Variants in TRPM5 observed in about 807,000 individuals in gnomAD.
TRPM5 encodes the protein transient receptor potential cation channel subfamily M member 5, also known as MLSN1 and TRP-related.
A neutral mutation model predicts 124.9 loss-of-function variants in TRPM5; 121 were observed. That is an observed-to-expected ratio of 0.97 (90% CI 0.84 to 1.13). The LOEUF (loss-of-function observed/expected upper bound fraction) is 1.13. Among genes scored for constraint, TRPM5 ranks in the 50% most tolerant of loss-of-function variants. The probability of loss-of-function intolerance (pLI) is 0.00; values close to 1 mark genes in which losing one functional copy is unlikely to be tolerated. For synonymous variants in TRPM5, 781 were observed against 700.5 expected (o/e 1.11, Z -1.81); for missense variants, 1,643 against 1,589.1 (o/e 1.03, Z -0.58).
Position 2,408,542 on chromosome 11 carries a change from C to T in TRPM5, c.2783-630G>A, listed in dbSNP as rs73409820. On this transcript the variant is annotated intron_variant, in intron 18 of 23. Coordinates refer to ENST00000155858, the Ensembl canonical transcript of TRPM5. ...ACTCAAGTCAAGAACATTCTTCAGG[C>T]GGCACACTCTGGGAGCTTGCAGGCT... Among the ~76,000 whole-genome samples the T allele has an allele frequency of 2.6e-3, 392 of 152,304 alleles. 1 individual carries two copies. Among genetic ancestry groups the T allele is most frequent in the African/African-American group, 7.7e-3 (322 of 41,566 alleles).
the TRPM5 span, among the ~76,000 whole-genome samples, chr11:2,443,699 G>C: frequency 6.6e-6 from 1 of 152,154 alleles, no homozygotes; most frequent in African/African-American, 2.4e-5. This position sits in a 1 kb window ranked among gnomAD's most constrained non-coding sequence, Gnocchi z 5.0. Context: ...ACCTGGAAGT[G>C]TCACATGAGT....
chr11:2,413,281 C>T (rs926062904), intron 13 of TRPM5, 55 bp from the exon 19 acceptor site: 54 of 1,471,294 alleles, frequency 3.7e-5, no homozygotes, highest in Non-Finnish European at 4.7e-5. Flanking sequence ...AGGCGCCTGC[C>T]TGGCTCCAGG....
At chr11:2,430,889 G>C in the TRPM5 span, among the ~76,000 whole-genome samples, 1 of 149,662 alleles carries the variant, frequency 6.7e-6, no homozygotes, top group Non-Finnish European at 1.5e-5. Context: ...TTTTGGTGAT[G>C]GTGACGGTAT....
chr11:2,420,519 G>T lies in TRPM5; in HGVS notation c.466-114C>A, dbSNP rs1288383192. 1.5e-5 allele frequency: 16 copies of T among 1,080,810 alleles called. No homozygotes were observed. In the East Asian group the frequency reaches 4.3e-4, roughly 29 times the overall value. 67.0% of individuals were successfully genotyped at this position (1,080,810 alleles called of 1,614,324 possible). ...ACCACGCCATGGGGCCCCGCACAAG[G>T]CTTCTGCCCGAGCCTTGGTTTCCCC... On this transcript the variant is annotated intron_variant, in intron 3 of 23. Transcript: ENST00000155858.
exon 19 of TRPM5, chr11:2,407,857 G>A (rs770952455): frequency 1.2e-6 from 2 of 1,614,016 alleles, no homozygotes; most frequent in East Asian, 2.2e-5. Flanking sequence ...AGAGGCTGGG[G>A]CAGGATGGTG....
intron 2 of TRPM5, 54 bp from the exon 8 acceptor site, chr11:2,421,252 C>G: frequency 1.3e-6 from 2 of 1,510,172 alleles, no homozygotes; most frequent in Non-Finnish European, 1.8e-6. Flanking sequence ...TCTTCCCTAG[C>G]TGGCCCCACG....
Position 2,420,411 on chromosome 11 carries a change from C to T in TRPM5, c.466-6G>A. ...TAGTGGACAGGAAAATCCTCCTGCG[C>T]CCATGCAGGGAGACGAGGCTGAGCC... On this transcript the variant is annotated splice_polypyrimidine_tract_variant and splice_region_variant and intron_variant, in intron 3 of 23. Coordinates refer to ENST00000155858, the Ensembl canonical transcript of TRPM5. 2 of 1,602,086 alleles carry T rather than the reference C, an allele frequency of 1.2e-6. No individual in the cohort carries two copies. Among genetic ancestry groups the T allele is most frequent in the South Asian group, 1.1e-5 (1 of 90,654 alleles).
chr11:2,421,737 A>C (rs888769555), intron 2 of TRPM5, among the ~76,000 whole-genome samples: 1 of 152,160 alleles, frequency 6.6e-6, no homozygotes, highest in Non-Finnish European at 1.5e-5. Flanking sequence ...TGCTTCCCCA[A>C]GGGGTCCCAC....
chr11:2,432,702 A>G, the TRPM5 span, among the ~76,000 whole-genome samples: 2 of 152,242 alleles, frequency 1.3e-5, no homozygotes, highest in South Asian at 2.1e-4. Context: ...TCTTTGTCTT[A>G]GAGGGGAGAA....
chr11:2,426,161 G>A (rs1845838644), upstream of TRPM5, among the ~76,000 whole-genome samples: 1 of 152,138 alleles, frequency 6.6e-6, no homozygotes, highest in African/African-American at 2.4e-5. Flanking sequence ...AGGGCCCACA[G>A]CACCTCCTTC....
In TRPM5 at chr11:2,417,957, G is replaced by A. The variant is rs111811734; in HGVS notation, c.907-128C>T. The A allele has an allele frequency of 5.9e-3, 6,060 of 1,028,308 alleles. 247 individuals carry two copies. The African/African-American group carries it at 0.085, about 14-fold the overall frequency. 63.7% of individuals were successfully genotyped at this position (1,028,308 alleles called of 1,614,324 possible). A position where few individuals can be genotyped will look rare whatever the true frequency, so the allele number is the denominator to read the frequency against. On this transcript the variant is annotated intron_variant, in intron 6 of 23. Coordinates refer to ENST00000155858, the Ensembl canonical transcript of TRPM5. ...GAGCCTTGCAGCCTGCATGCCCACC[G>A]CCCACCGGGCCCGGCCTGGGACCAC...
At chr11:2,441,472 G>T in the TRPM5 span, among the ~76,000 whole-genome samples, 1 of 150,878 alleles carries the variant, frequency 6.6e-6, no homozygotes, top group Non-Finnish European at 1.5e-5. The surrounding 1 kb of genome is among the most constrained non-coding windows in gnomAD (Gnocchi z 7.2). Context: ...CCTCACCTGC[G>T]CACCTGGCCT....
chr11:2,438,939 G>A, the TRPM5 span, among the ~76,000 whole-genome samples: 7 of 152,208 alleles, frequency 4.6e-5, no homozygotes, highest in African/African-American at 1.4e-4. This position sits in a 1 kb window ranked among gnomAD's most constrained non-coding sequence, Gnocchi z 5.9. Context: ...TGTTCAAGGC[G>A]ACTATAACCA....
In TRPM5 at chr11:2,414,890, C is replaced by CCGCGGCCTGGGCT. The variant is rs777918505; in HGVS notation, c.1620+4_1620+16dup. On this transcript the variant is annotated intron_variant, in intron 10 of 23. Coordinates refer to ENST00000155858, the Ensembl canonical transcript of TRPM5. ...CCCCTCCCCTGCCCCCGCGCTGGGC[C>CCGCGGCCTGGGCT]CGCGGCCTGGGCTCACCATGGCCCA... 9.4e-6 allele frequency: 15 copies of CCGCGGCCTGGGCT among 1,598,292 alleles called. No homozygotes were observed. In the East Asian group the frequency reaches 3.2e-4, roughly 34 times the overall value.
exon 13 of TRPM5, chr11:2,413,489 G>A: frequency 6.2e-7 from 1 of 1,611,096 alleles, no homozygotes; most frequent in Middle Eastern, 1.7e-4. Flanking sequence ...AAGGTGATGA[G>A]GTTGGTATAG....
chr11:2,428,786 A>T, the TRPM5 span, among the ~76,000 whole-genome samples: 1 of 145,412 alleles, frequency 6.9e-6, no homozygotes, highest in South Asian at 2.2e-4. This position sits in a 1 kb window ranked among gnomAD's most constrained non-coding sequence, Gnocchi z 4.0. Flanking sequence ...GTGGTGGGTG[A>T]CGAAGGTGGT....
the TRPM5 span, among the ~76,000 whole-genome samples, chr11:2,440,627 A>C: frequency 6.7e-6 from 1 of 150,126 alleles, no homozygotes; most frequent in South Asian, 2.1e-4. The surrounding 1 kb of genome is among the most constrained non-coding windows in gnomAD (Gnocchi z 5.2). Flanking sequence ...CACAATCTGC[A>C]CCCCCATCCT....
At chr11:2,424,216 C>T (rs1845815964), upstream of TRPM5, among the ~76,000 whole-genome samples, 1 of 152,258 alleles carries the variant, frequency 6.6e-6, no homozygotes, top group Non-Finnish European at 1.5e-5. Context: ...ATGGACCGTT[C>T]TGTAAAAACC....
intron 15 of TRPM5, 149 bp downstream of exon 20, chr11:2,412,605 T>G (rs887684203): frequency 5.6e-6 from 5 of 890,854 alleles, no homozygotes; most frequent in Non-Finnish European, 8.3e-6. Flanking sequence ...ACCAGGATCA[T>G]GGCCGCTGGT....
Sources: gnomAD v4.1 joint callset for allele counts (sites outside exome capture counted in the v4.1 genomes callset) on GRCh38, gnomAD v4.1.1 for gene constraint, Gnocchi (gnomAD v3.1) non-coding constraint, MANE v1.5 for transcripts, NCBI Gene and HGNC (gene_info 2026-07-23, HGNC 2026-07-21) for gene names.